The following MYPN variants were observed in gnomAD, a reference collection of about 807,000 sequenced individuals.
MYPN encodes the protein myopalladin.
A neutral mutation model predicts 129.4 loss-of-function variants in MYPN; 63 were observed. The ratio of observed to expected loss-of-function variants is 0.49; its 90% CI spans 0.40 to 0.60. The LOEUF (loss-of-function observed/expected upper bound fraction) is 0.60. MYPN is among the 20% of genes least tolerant of loss of function. The probability of loss-of-function intolerance (pLI) is 0.00; values close to 1 mark genes in which losing one functional copy is unlikely to be tolerated. For missense variants in MYPN, 1,596 were observed against 1,635.4 expected, an observed-to-expected ratio of 0.98 and a Z score of 0.42; for synonymous variants, 629 against 600.9, an observed-to-expected ratio of 1.05 and a Z score of -0.68.
intron 3 of MYPN, among the ~76,000 whole-genome samples, chr10:68,143,731 A>T (rs530872750): frequency 6.6e-6 from 1 of 151,998 alleles, no homozygotes; most frequent in Non-Finnish European, 1.5e-5. Context: ...ACATGATCTT[A>T]GTTTTTTTGT....
At chr10:68,190,745 A>C (rs4746735) in intron 13 of MYPN, among the ~76,000 whole-genome samples, 54,672 of 151,758 alleles carry the variant, frequency 0.36, 10,185 homozygotes, top group East Asian at 0.66. Context: ...GGTCTTACCC[A>C]AAAAAAAATT....
Position 68,121,452 on chromosome 10 carries a change from G to A in MYPN, c.14G>A (p.Ser5Asn). 2.5e-6 allele frequency: 4 copies of A among 1,612,368 alleles called. No homozygotes were observed. Among genetic ancestry groups the A allele is most frequent in the Non-Finnish European group, 3.4e-6 (4 of 1,179,308 alleles). Residue 5 changes from serine to asparagine, a missense_variant, in exon 2 of 20, where the codon AGC becomes AAC. Transcript: ENST00000358913. ...TTTTGTGACAGCATGCAAGACGACA[G>A]CATAGAAGCTTCTACTTCCATATCT... MQDD[S>N]IEASTSISQL...
chr10:68,148,271 A>G (rs959111062), intron 4 of MYPN, 82 bp from the exon 5 acceptor site: 15 of 1,103,342 alleles, frequency 1.4e-5, no homozygotes, highest in Non-Finnish European at 1.9e-5. Flanking sequence ...GTAAGCAGTG[A>G]TGCCATTACT....
chr10:68,200,784 G>A (rs1336168150), intron 17 of MYPN, among the ~76,000 whole-genome samples: 1 of 151,856 alleles, frequency 6.6e-6, no homozygotes, highest in Non-Finnish European at 1.5e-5. Context: ...AGAAATTCAG[G>A]GTGGCTTCAG....
chr10:68,119,388 TA>T (rs2042207096), intron 1 of MYPN, among the ~76,000 whole-genome samples: 39 of 55,468 alleles, frequency 7.0e-4, no homozygotes, highest in Middle Eastern at 0.021. Flanking sequence ...CATTTTATTT[TA>T]TTTATTTATT....
intron 12 of MYPN, among the ~76,000 whole-genome samples, chr10:68,177,758 A>G (rs1213148774): frequency 6.6e-6 from 1 of 152,032 alleles, no homozygotes; most frequent in African/African-American, 2.4e-5. Context: ...AATGAAAATA[A>G]TCTGTGTTCT....
chr10:68,193,579 C>G (rs1484210562), intron 13 of MYPN, among the ~76,000 whole-genome samples: 1 of 152,100 alleles, frequency 6.6e-6, no homozygotes, highest in African/African-American at 2.4e-5. Context: ...GATTTTTTGG[C>G]AGTCAGCTGA....
chr10:68,201,300 C>A (rs887657473), intron 17 of MYPN, among the ~76,000 whole-genome samples: 1 of 152,156 alleles, frequency 6.6e-6, no homozygotes, highest in African/African-American at 2.4e-5. Context: ...TGCCCCATTT[C>A]TTTTTGTTTT....
chr10:68,174,022 A>G, intron 10 of MYPN, 44 bp from the exon 11 acceptor site: 1 of 1,450,610 alleles, frequency 6.9e-7, no homozygotes. Context: ...GAGGCCAATA[A>G]TAACACATTT....
chr10:68,100,143 C>T (rs2041975405), intron 1 of MYPN, among the ~76,000 whole-genome samples: 1 of 152,108 alleles, frequency 6.6e-6, no homozygotes, highest in Non-Finnish European at 1.5e-5. Context: ...ATAATTTTTT[C>T]AGTTTCATCC....
chr10:68,203,573 C>A (rs1318887820), intron 18 of MYPN, among the ~76,000 whole-genome samples: 1 of 151,848 alleles, frequency 6.6e-6, no homozygotes, highest in Non-Finnish European at 1.5e-5. Context: ...TGGGGACAAG[C>A]AAAACCCAGT....
At chr10:68,140,037 G>A (rs1175621097) in intron 2 of MYPN, among the ~76,000 whole-genome samples, 1 of 152,222 alleles carries the variant, frequency 6.6e-6, no homozygotes, top group African/African-American at 2.4e-5. Context: ...ATATTGGGAA[G>A]AGGGTCAGGG....
In MYPN at chr10:68,174,520, C is replaced by A. The variant is rs369380120; in HGVS notation, c.2428C>A (p.Arg810Ser). The change falls in exon 11 of 20, where the codon CGC becomes AGC. Residue 810 changes from arginine to serine, a missense_variant. Coordinates refer to ENST00000358913, the MANE Select transcript of MYPN (RefSeq NM_032578.4). The part of the protein sequence containing the change: ...SIPSGNQFQP[R>S]CVSPIPVSPT... The stretch of plus-strand genomic sequence containing the variant: ...CCCCAGCGGAAACCAGTTTCAGCCC[C>A]GCTGTGTGTCCCCAATTCCTGTCTC... 1 of 1,613,968 alleles carries A rather than the reference C, an allele frequency of 6.2e-7. No individual in the cohort carries two copies. Among genetic ancestry groups the A allele is most frequent in the African/African-American group, 1.3e-5 (1 of 74,914 alleles).
rs1355477510 is a variant in MYPN at position 68,182,384 on chromosome 10, C to CAT, written c.2704-6515_2704-6514dup. 3.3e-3 allele frequency among the ~76,000 whole-genome samples: 305 copies of CAT among 93,694 alleles called. 9 individuals are homozygous for CAT. Among genetic ancestry groups the CAT allele is most frequent in the African/African-American group, 0.013 (283 of 21,956 alleles). The allele number at this position is 93,694 out of a possible 152,430, so 61.5% of individuals were successfully genotyped here. ...ACACATATATATAACATATATAACA[C>CAT]ATATATAACATATATATAACACATA... On this transcript the variant is annotated intron_variant, in intron 12 of 19. Coordinates refer to ENST00000358913, the MANE Select transcript of MYPN (RefSeq NM_032578.4).
At chr10:68,202,087 C>T (rs2134312456) in intron 18 of MYPN, 93 bp downstream of exon 18, 1 of 1,427,278 alleles carries the variant, frequency 7.0e-7, no homozygotes, top group Non-Finnish European at 9.8e-7. Flanking sequence ...GTCTGGCTTA[C>T]TTCATTTAGA....
intron 2 of MYPN, chr10:68,136,852 C>T (rs1197602433): frequency 1.9e-6 from 2 of 1,061,574 alleles, no homozygotes; most frequent in African/African-American, 3.2e-5. Context: ...AGTTACATTG[C>T]TTTAAAAGCC....
intron 10 of MYPN, among the ~76,000 whole-genome samples, chr10:68,169,613 C>A (rs1382486990): frequency 6.6e-6 from 1 of 152,200 alleles, no homozygotes; most frequent in Non-Finnish European, 1.5e-5. Context: ...TTCTGTCTTT[C>A]TGCTCTGCCA....
chr10:68,156,931 C>A (rs1434281333), intron 6 of MYPN, among the ~76,000 whole-genome samples: 1 of 152,026 alleles, frequency 6.6e-6, no homozygotes, highest in Admixed American at 6.6e-5. Flanking sequence ...GTCTTTGGGC[C>A]AAATGAAAAA....
At chr10:68,167,919 G>T (rs1189943644) in intron 10 of MYPN, among the ~76,000 whole-genome samples, 2 of 152,198 alleles carry the variant, frequency 1.3e-5, no homozygotes, top group Admixed American at 1.3e-4. Context: ...ACCAAATCCT[G>T]CAGGAGAAGA....
Sources: gnomAD v4.1 joint callset for allele counts (sites outside exome capture counted in the v4.1 genomes callset) on GRCh38, gnomAD v4.1.1 for gene constraint, MANE v1.5 for transcripts, NCBI Gene and HGNC (gene_info 2026-07-23, HGNC 2026-07-21) for gene names.